DLG2: variants seen among roughly 807,000 people sequenced by gnomAD.
DLG2 encodes the protein discs large MAGUK scaffold protein 2, also known as disks large homolog 2.
Under a neutral mutation model 132.5 loss-of-function variants are expected in DLG2, and 45 were observed. The ratio of observed to expected loss-of-function variants is 0.34; its 90% CI spans 0.27 to 0.44. The LOEUF (loss-of-function observed/expected upper bound fraction) is 0.44, where lower values mean the gene tolerates loss of function less well. Ranked by LOEUF, DLG2 falls within the 20% of genes least tolerant of loss-of-function variation. DLG2 has a pLI of 1.00. For synonymous variants in DLG2, 424 were observed against 419.6 expected, an observed-to-expected ratio of 1.01 and a Z score of -0.13; for missense variants, 1,045 against 1,196.9, an observed-to-expected ratio of 0.87 and a Z score of 1.87.
intron 14 of DLG2, among the ~76,000 whole-genome samples, chr11:83,945,101 T>C (rs2083506424): frequency 6.6e-6 from 1 of 152,108 alleles, no homozygotes; most frequent in Non-Finnish European, 1.5e-5. Flanking sequence ...ACTTTCACGG[T>C]GGATATTACA....
At chr11:85,468,342 G>A (rs1206380463) in intron 3 of DLG2, among the ~76,000 whole-genome samples, 1 of 151,912 alleles carries the variant, frequency 6.6e-6, no homozygotes, top group African/African-American at 2.4e-5. Flanking sequence ...GTTATTTCTT[G>A]CCTTCTGCTA....
At chr11:84,313,640 AAAAAG>A (rs1567260444) in intron 7 of DLG2, among the ~76,000 whole-genome samples, 2 of 120,858 alleles carry the variant, frequency 1.7e-5, no homozygotes, top group Admixed American at 9.0e-5. Flanking sequence ...GGAAAGAGAG[AAAAAG>A]AAAGAAAGAA....
chr11:85,611,131 C>T (rs891428133), intron 2 of DLG2, among the ~76,000 whole-genome samples: 7 of 152,148 alleles, frequency 4.6e-5, no homozygotes, highest in Admixed American at 4.6e-4. Flanking sequence ...ATGGGATGAA[C>T]CCCCAACCAG....
chr11:85,339,950 C>T (rs754913743), intron 3 of DLG2, among the ~76,000 whole-genome samples: 38 of 152,230 alleles, frequency 2.5e-4, no homozygotes, highest in South Asian at 4.1e-4. Context: ...TACCATCTCA[C>T]GCCAGTTAGA....
chr11:84,988,544 A>T (rs1188816622), intron 6 of DLG2, among the ~76,000 whole-genome samples: 1 of 152,246 alleles, frequency 6.6e-6, no homozygotes, highest in African/African-American at 2.4e-5. Flanking sequence ...CTCAGCCATA[A>T]AAAGAAATGA....
intron 3 of DLG2, among the ~76,000 whole-genome samples, chr11:85,367,425 G>C (rs952071097): frequency 6.6e-6 from 1 of 152,142 alleles, no homozygotes; most frequent in Non-Finnish European, 1.5e-5. Context: ...GTGAGGATGA[G>C]TTAATTCATT....
At chr11:83,961,209 T>G (rs1434314446) in intron 14 of DLG2, among the ~76,000 whole-genome samples, 2 of 152,120 alleles carry the variant, frequency 1.3e-5, no homozygotes, top group East Asian at 3.9e-4. Flanking sequence ...TCTATTCCCT[T>G]GTACAGGTGA....
chr11:84,438,439 C>G (rs987709887), intron 7 of DLG2, among the ~76,000 whole-genome samples: 2 of 151,318 alleles, frequency 1.3e-5, no homozygotes. Flanking sequence ...GAGTGTTAAA[C>G]TAAAAAGAGC....
intron 11 of DLG2, among the ~76,000 whole-genome samples, chr11:84,050,272 T>A (rs778422427): frequency 6.6e-6 from 1 of 151,628 alleles, no homozygotes; most frequent in African/African-American, 2.4e-5. Flanking sequence ...CCTATTATAG[T>A]ACGCCAGATA....
intron 6 of DLG2, among the ~76,000 whole-genome samples, chr11:84,625,160 C>T (rs1038847082): frequency 1.3e-5 from 2 of 151,758 alleles, no homozygotes; most frequent in African/African-American, 4.8e-5. Flanking sequence ...GCGCCCGGCC[C>T]GAGAGTCAAC....
intron 18 of DLG2, among the ~76,000 whole-genome samples, chr11:83,745,431 C>T (rs1352988871): frequency 1.3e-5 from 2 of 152,048 alleles, no homozygotes; most frequent in Non-Finnish European, 2.9e-5. Flanking sequence ...TCAATTATTC[C>T]TTTACTCTTT....
chr11:83,489,779 T>C (rs2093733661), intron 21 of DLG2, among the ~76,000 whole-genome samples: 1 of 151,984 alleles, frequency 6.6e-6, no homozygotes, highest in African/African-American at 2.4e-5. Flanking sequence ...CTGGTTGTGA[T>C]ACAGGGATGA....
chr11:84,785,462 T>A (rs922652351), intron 6 of DLG2, among the ~76,000 whole-genome samples: 2 of 152,090 alleles, frequency 1.3e-5, no homozygotes, highest in East Asian at 3.9e-4. Context: ...CTTTTTATGA[T>A]GTTGTAACCA....
intron 3 of DLG2, among the ~76,000 whole-genome samples, chr11:85,531,738 G>A (rs1237724994): frequency 6.6e-6 from 1 of 152,134 alleles, no homozygotes; most frequent in African/African-American, 2.4e-5. Context: ...AGCGGTGGAG[G>A]GGTGGAGAAA....
chr11:85,165,470 T>G (rs1350640624), intron 4 of DLG2, among the ~76,000 whole-genome samples: 5 of 152,192 alleles, frequency 3.3e-5, no homozygotes, highest in Admixed American at 6.5e-5. Context: ...AGAGGCCCCA[T>G]GGCCCCATCT....
chr11:84,823,389 C>G (rs1273777761), intron 6 of DLG2, among the ~76,000 whole-genome samples: 2 of 151,930 alleles, frequency 1.3e-5, no homozygotes, highest in African/African-American at 4.8e-5. Context: ...TCCAGCCACA[C>G]CAGCCTGGCC....
At chr11:85,209,443 G>GTTTTT (rs1171176251) in intron 4 of DLG2, among the ~76,000 whole-genome samples, 4 of 25,954 alleles carry the variant, frequency 1.5e-4, no homozygotes, top group South Asian at 9.5e-4. Context: ...AAAGAAATCA[G>GTTTTT]TCTTTTTTTT....
At chr11:83,834,963 G>A (rs1006141512) in intron 16 of DLG2, among the ~76,000 whole-genome samples, 4 of 152,112 alleles carry the variant, frequency 2.6e-5, no homozygotes, top group African/African-American at 9.7e-5. Context: ...GCCATCCCAT[G>A]TATTTTATAC....
chr11:85,551,588 C>G (rs573142095), intron 3 of DLG2, among the ~76,000 whole-genome samples: 49 of 151,862 alleles, frequency 3.2e-4, no homozygotes, highest in African/African-American at 1.1e-3. Context: ...TTAAAAATTA[C>G]AAAAACATTG....
Sources: allele counts gnomAD v4.1 joint callset (sites outside exome capture counted in the v4.1 genomes callset), GRCh38; gene constraint gnomAD v4.1.1; transcripts MANE v1.5; gene names NCBI Gene and HGNC (gene_info 2026-07-23, HGNC 2026-07-21).